The following DLC1 variants were observed in gnomAD, a reference collection of about 807,000 sequenced individuals.
DLC1 encodes the protein rho GTPase-activating protein 7.
In DLC1, 54 loss-of-function variants were observed where a neutral mutation model predicts 140.3. That is an observed-to-expected ratio of 0.38 (90% CI 0.31 to 0.48). DLC1 has a LOEUF of 0.48. Among genes scored for constraint, DLC1 ranks in the 20% least tolerant of loss-of-function variants. The pLI, the probability that DLC1 is intolerant of heterozygous loss-of-function variation, is 0.96. For synonymous variants in DLC1, 986 were observed against 728.1 expected (o/e 1.35, Z -5.70); for missense variants, 2,536 against 1,907.0 (o/e 1.33, Z -6.14).
intron 1 of DLC1, among the ~76,000 whole-genome samples, chr8:13,589,269 A>G (rs1425846004): frequency 6.6e-6 from 1 of 152,086 alleles, no homozygotes; most frequent in African/African-American, 2.4e-5. Flanking sequence ...TTTGTATTTT[A>G]TATAATTGTT....
intron 4 of DLC1, among the ~76,000 whole-genome samples, chr8:13,376,616 G>C (rs1397113669): frequency 1.3e-5 from 2 of 152,226 alleles, no homozygotes; most frequent in Non-Finnish European, 1.5e-5. Context: ...CTCAGGAAGA[G>C]TGATTTGATT....
In DLC1 at chr8:13,235,987, A is replaced by T. The variant is rs960603183; in HGVS notation, c.1348+69282T>A. Among the ~76,000 whole-genome samples the T allele has an allele frequency of 1.6e-3, 11 of 7,060 alleles. No homozygotes were observed. The East Asian group carries it at 0.15, about 97-fold the overall frequency. The allele number at this position is 7,060 out of a possible 152,430, so 4.6% of individuals were successfully genotyped here. On this transcript the variant is annotated intron_variant, in intron 5 of 17. Coordinates refer to ENST00000276297, the MANE Select transcript of DLC1 (RefSeq NM_182643.3). ...GTAATAGAAGGCAAAGTGAAATTTAAAAAAAAAACTATAATTAAGATATTA... is the reference window on the plus strand; with the variant it reads ...GTAATAGAAGGCAAAGTGAAATTTATAAAAAAAACTATAATTAAGATATTA...
intron 1 of DLC1, among the ~76,000 whole-genome samples, chr8:13,535,669 T>TA (rs55970525): frequency 0.037 from 4,183 of 114,570 alleles, 390 homozygotes; most frequent in African/African-American, 0.14. Flanking sequence ...CATTGCTCAT[T>TA]AAAAAAAAAA....
intron 4 of DLC1, among the ~76,000 whole-genome samples, chr8:13,383,379 A>G (rs978531518): frequency 6.6e-6 from 1 of 152,166 alleles, no homozygotes; most frequent in Non-Finnish European, 1.5e-5. Flanking sequence ...TCAGAGAAAG[A>G]GGAACTATAC....
chr8:13,131,389 C>T (rs1822063877), intron 5 of DLC1, among the ~76,000 whole-genome samples: 1 of 152,218 alleles, frequency 6.6e-6, no homozygotes, highest in Admixed American at 6.5e-5. Context: ...TGCCTTCTCC[C>T]GAGCTGCAAT....
In DLC1 at chr8:13,417,734, G is replaced by T. The variant is rs187022918; in HGVS notation, c.1024-16115C>A. On this transcript the variant is annotated intron_variant, in intron 2 of 17. Coordinates refer to ENST00000276297, the MANE Select transcript of DLC1 (RefSeq NM_182643.3). ...CCTTTGGGTTCATACCCAGTAATGG[G>T]ATGGCTGGGTCAAATGGTATTTCTA... 2.0e-4 allele frequency among the ~76,000 whole-genome samples: 31 copies of T among 152,244 alleles called. No homozygotes were observed. In the East Asian group the frequency reaches 6.0e-3, roughly 30 times the overall value.
chr8:13,372,356 G>A (rs1229056441), intron 4 of DLC1, among the ~76,000 whole-genome samples: 1 of 152,088 alleles, frequency 6.6e-6, no homozygotes, highest in Non-Finnish European at 1.5e-5. Flanking sequence ...AATAAAAAGG[G>A]TCATTTCCAT....
chr8:13,287,729 CA>C (rs1487499200), intron 5 of DLC1, among the ~76,000 whole-genome samples: 2 of 152,090 alleles, frequency 1.3e-5, no homozygotes, highest in African/African-American at 2.4e-5. Context: ...TCACATCTGG[CA>C]CCAAGACTAG....
At position 13,587,607 on chromosome 8, in the gene DLC1, A is replaced by C. The variant is rs966393683; in HGVS notation, c.-126+16930T>G. Among the ~76,000 whole-genome samples, 230 of 25,242 alleles carry C rather than the reference A, an allele frequency of 9.1e-3. 5 individuals carry two copies. The East Asian group carries it at 0.19, about 21-fold the overall frequency. The allele number at this position is 25,242 out of a possible 152,430, so 16.6% of individuals were successfully genotyped here. The stretch of plus-strand genomic sequence containing the variant: ...ATATATATATATATACATTGCATAT[A>C]TATATATATATATATATACATTGCC... On this transcript the variant is annotated intron_variant, in intron 1 of 1. Transcript: ENST00000631382.
chr8:13,366,143 A>G (rs1835469502), intron 4 of DLC1, among the ~76,000 whole-genome samples: 1 of 152,188 alleles, frequency 6.6e-6, no homozygotes, highest in Non-Finnish European at 1.5e-5. Flanking sequence ...TCGTCCAGCT[A>G]GCTGTTTAAC....
upstream of DLC1, chr8:13,515,803 A>C (rs1238253955): frequency 6.6e-6 from 1 of 152,222 alleles, no homozygotes; most frequent in East Asian, 1.9e-4. Context: ...TGGAAACTGC[A>C]AGTATGGCTT....
chr8:13,162,569 C>T (rs982889821), intron 5 of DLC1, among the ~76,000 whole-genome samples: 17 of 152,160 alleles, frequency 1.1e-4, no homozygotes, highest in African/African-American at 2.7e-4. Context: ...GCGATCTCCC[C>T]GCCTCAGCCT....
chr8:13,265,555 G>A (rs566844674), intron 5 of DLC1, among the ~76,000 whole-genome samples: 41 of 152,320 alleles, frequency 2.7e-4, no homozygotes, highest in South Asian at 1.2e-3. Flanking sequence ...GGTAGTGGCT[G>A]AGAAAGTGGG....
chr8:13,140,953 C>T (rs1039049806), intron 5 of DLC1, among the ~76,000 whole-genome samples: 1 of 152,058 alleles, frequency 6.6e-6, no homozygotes, highest in South Asian at 2.1e-4. Context: ...TAGAGTGAGG[C>T]CTCTATAAAA....
chr8:13,338,772 T>C (rs1179531591), intron 4 of DLC1: 1 of 152,180 alleles, frequency 6.6e-6, no homozygotes, highest in Non-Finnish European at 1.5e-5. Context: ...CCTGCCCAAC[T>C]AGCGACATGG....
intron 13 of DLC1, among the ~76,000 whole-genome samples, chr8:13,092,136 T>C (rs1284842391): frequency 6.6e-6 from 1 of 152,100 alleles, no homozygotes; most frequent in Non-Finnish European, 1.5e-5. Context: ...TCCCAGCTAC[T>C]CGGGAGGCTG....
At chr8:13,453,426 GTATATATATA>G (rs1185667826) in intron 2 of DLC1, among the ~76,000 whole-genome samples, 1 of 12,690 alleles carries the variant, frequency 7.9e-5, no homozygotes, top group African/African-American at 4.0e-4. Context: ...ATATATATGT[GTATATATATA>G]TGTATATATA....
At chr8:13,451,357 C>G (rs1799049852) in intron 2 of DLC1, among the ~76,000 whole-genome samples, 1 of 152,076 alleles carries the variant, frequency 6.6e-6, no homozygotes, top group African/African-American at 2.4e-5. Context: ...CGCATCTACC[C>G]TTTGTGTAAT....
At chr8:13,570,949 G>T (rs1414910504) in intron 1 of DLC1, among the ~76,000 whole-genome samples, 1 of 152,182 alleles carries the variant, frequency 6.6e-6, no homozygotes, top group Non-Finnish European at 1.5e-5. Context: ...GGTGCAGACA[G>T]GTATCTTGGG....
Sources: gnomAD v4.1 joint callset for allele counts (sites outside exome capture counted in the v4.1 genomes callset) on GRCh38, gnomAD v4.1.1 for gene constraint, MANE v1.5 for transcripts, NCBI Gene and HGNC (gene_info 2026-07-23, HGNC 2026-07-21) for gene names.